SVIL: variants seen among roughly 807,000 people sequenced by gnomAD.
SVIL encodes the protein supervillin.
SVIL carries 101 observed loss-of-function variants against 240.4 expected under a neutral mutation model. That is an observed-to-expected ratio of 0.42 (90% CI 0.36 to 0.50). SVIL has a LOEUF of 0.50. Among genes scored for constraint, SVIL ranks in the 20% least tolerant of loss-of-function variants. SVIL has a pLI of 0.01. For synonymous variants in SVIL, 999 were observed against 1,100.0 expected (o/e 0.91, Z 1.82); for missense variants, 2,512 against 2,818.7 (o/e 0.89, Z 2.46).
intron 27 of SVIL, chr10:29,483,274 G>T (rs1490539630): frequency 6.6e-6 from 1 of 152,202 alleles, no homozygotes; most frequent in African/African-American, 2.4e-5. Context: ...TGCAGGGTGA[G>T]GGGGACAAAC....
intron 6 of SVIL, among the ~76,000 whole-genome samples, chr10:29,538,598 G>A (rs990909748): frequency 2.0e-5 from 3 of 152,210 alleles, no homozygotes; most frequent in Admixed American, 1.3e-4. Context: ...GTGAGCCGCC[G>A]CTCCCAGATC....
chr10:29,651,990 C>T lies in SVIL; in HGVS notation c.-201+5979G>A, dbSNP rs572459896. ...CTATCATGAAGTGCTGACAGTTAAC[C>T]GTCCAATATATGTAAGACACACACA... On this transcript the variant is annotated intron_variant, in intron 3 of 35. Transcript: ENST00000375400. Among the ~76,000 whole-genome samples the T allele has an allele frequency of 1.0e-3, 158 of 151,268 alleles. 2 individuals are homozygous for T. Among genetic ancestry groups the T allele is most frequent in the East Asian group, 1.4e-3 (7 of 5,118 alleles).
chr10:29,526,305 C>CTTTTTTTTTTTTTTTT (rs36004446), intron 13 of SVIL, among the ~76,000 whole-genome samples: 3 of 115,028 alleles, frequency 2.6e-5, no homozygotes, highest in Non-Finnish European at 5.2e-5. Context: ...TTTTCTCTTT[C>CTTTTTTTTTTTTTTTT]TTTTTTTTTT....
intron 1 of SVIL, among the ~76,000 whole-genome samples, chr10:29,626,133 G>A (rs1536696): frequency 0.092 from 13,959 of 152,194 alleles, 781 homozygotes; most frequent in Admixed American, 0.14. Context: ...GGTGACTATA[G>A]TTGCTAACAA....
chr10:29,527,194 A>T (rs1950981806), intron 12 of SVIL, 138 bp from the exon 13 acceptor site: 1 of 825,546 alleles, frequency 1.2e-6, no homozygotes, highest in African/African-American at 1.7e-5. Context: ...TTTTGGGGAG[A>T]AAAAATCACG....
chr10:29,650,261 T>TGTCTTAAAAAGTTGTTTTCACATA (rs1368431628), intron 3 of SVIL, among the ~76,000 whole-genome samples: 5 of 152,202 alleles, frequency 3.3e-5, no homozygotes, highest in Non-Finnish European at 7.3e-5. Context: ...AAGGAACATC[T>TGTCTTAAAAAGTTGTTTTCACATA]GTCTTAAAAA....
At chr10:29,508,310 C>T (rs1350497375) in intron 17 of SVIL, 8 of 1,273,338 alleles carry the variant, frequency 6.3e-6, no homozygotes, top group Non-Finnish European at 8.2e-6. Context: ...TGGCCACCAT[C>T]GAGAGGACAC....
At chr10:29,662,928 A>G (rs1959175298) in intron 2 of SVIL, among the ~76,000 whole-genome samples, 1 of 152,134 alleles carries the variant, frequency 6.6e-6, no homozygotes, top group South Asian at 2.1e-4. Context: ...CTGGGCAGCA[A>G]AGCAAGACCC....
chr10:29,624,499 G>A (rs1293080045), intron 1 of SVIL, among the ~76,000 whole-genome samples: 4 of 152,126 alleles, frequency 2.6e-5, no homozygotes, highest in Non-Finnish European at 5.9e-5. Flanking sequence ...GATCGATCAT[G>A]TCAGCCTGGG....
At chr10:29,468,015 T>C (rs1408043894) in intron 32 of SVIL, 140 bp from the exon 33 acceptor site, 1 of 950,014 alleles carries the variant, frequency 1.1e-6, no homozygotes, top group Non-Finnish European at 1.5e-6. Flanking sequence ...ACTCTTTTTA[T>C]GTGTACAGAT....
chr10:29,609,430 G>A (rs1026891845), intron 1 of SVIL, among the ~76,000 whole-genome samples: 2 of 152,146 alleles, frequency 1.3e-5, no homozygotes, highest in East Asian at 1.9e-4. Flanking sequence ...CATGAGCCAC[G>A]GGCCAGAGCA....
In SVIL at chr10:29,533,046, C is replaced by A. The variant is rs760193204; in HGVS notation, c.1321G>T (p.Glu441Ter). 6 of 1,614,084 alleles carry A rather than the reference C, an allele frequency of 3.7e-6. No individual in the cohort carries two copies. Among genetic ancestry groups the A allele is most frequent in the Middle Eastern group, 1.7e-4 (1 of 6,058 alleles). Residue 441 changes from glutamate (E) to a stop codon, truncating the protein, a stop_gained, in exon 8 of 38, where the codon GAA (glutamate) becomes TAA (stop). Transcript: ENST00000355867. LOFTEE classifies it high-confidence loss of function. ...AGAGCTTCAGTGAAGCACACATCTTCTTCTTTTTCTTCTCCTTCTCCTTCC... is the reference window on the plus strand; with the variant it reads ...AGAGCTTCAGTGAAGCACACATCTTATTCTTTTTCTTCTCCTTCTCCTTCC... The part of the protein sequence containing the change: ...EGEGEGEEKE[E>*]DVCFTEALEQ...
At position 29,463,498 on chromosome 10, in the gene SVIL, A is replaced by G. The variant is rs1294601816; in HGVS notation, c.6271T>C (p.Cys2091Arg). ...KSAMETVLQY[C>R]KGKNLKKPAP... ...ATGTTAGAGGGAGCCTCACCTTTGCAGTACTGGAGCACAGTCTCCATCGCA... is the reference window on the plus strand; with the variant it reads ...ATGTTAGAGGGAGCCTCACCTTTGCGGTACTGGAGCACAGTCTCCATCGCA... The change falls in exon 35 of 38, where the codon TGC (cysteine) becomes CGC (arginine). Residue 2091 changes from cysteine to arginine, a missense_variant. By Grantham distance (180) the Cys-to-Arg change is radical. Around this residue, in one of 3 missense-constraint regions of SVIL, gnomAD observed 797 missense variants for 925.3 expected, o/e 0.86. Transcript: ENST00000355867. 1 of 1,613,810 alleles carries G rather than the reference A, an allele frequency of 6.2e-7. No homozygotes were observed. Among genetic ancestry groups the G allele is most frequent in the Non-Finnish European group, 8.5e-7 (1 of 1,179,882 alleles).
chr10:29,502,692 G>T (rs565050021), intron 17 of SVIL, among the ~76,000 whole-genome samples: 114 of 151,918 alleles, frequency 7.5e-4, no homozygotes, highest in African/African-American at 2.7e-3. Flanking sequence ...TGTGTGGGTG[G>T]GTGGGTGTGT....
In SVIL at chr10:29,551,020, C is replaced by T. The variant is rs748909248; in HGVS notation, c.404G>A (p.Arg135His). The T allele has an allele frequency of 8.7e-6, 14 of 1,614,120 alleles. No homozygotes were observed. The highest frequency in any genetic ancestry group is 1.2e-5 in the Non-Finnish European group (14 of 1,180,018). Residue 135 changes from arginine (R) to histidine (H), a missense_variant, in exon 6 of 38, where the codon CGC becomes CAC. Around this residue, in one of 3 missense-constraint regions of SVIL, gnomAD observed 1,443 missense variants for 1,486.6 expected, o/e 0.97. Transcript: ENST00000355867. ...AGGCTCCTTCCTGGACTTGGTATAG[C>T]GGGATAAATACTCGGAGTCGGCCTC... ...DPEADSEYLSRYTKSRKEPDA... is the reference protein window; with the variant it reads ...DPEADSEYLSHYTKSRKEPDA...
Position 29,532,604 on chromosome 10 carries a change from A to T in SVIL, c.1763T>A (p.Leu588Gln). The change falls in exon 8 of 38, where the codon CTG (leucine) becomes CAG (glutamine). Residue 588 changes from leucine to glutamine, a missense_variant. By Grantham distance (113) the Leu-to-Gln change is moderately radical. Coordinates refer to ENST00000355867, the MANE Select transcript of SVIL (RefSeq NM_021738.3). ...CTGGGCGACAGAGACTTTTGTGTCCAGCATGCTGATCTCCCCATAAGGCCC... is the reference window on the plus strand; with the variant it reads ...CTGGGCGACAGAGACTTTTGTGTCCTGCATGCTGATCTCCCCATAAGGCCC... ...TEGPYGEISM[L>Q]DTKVSVAQLR... The T allele has an allele frequency of 6.2e-7, 1 of 1,614,102 alleles. No homozygotes were observed. The highest frequency in any genetic ancestry group is 8.5e-7 in the Non-Finnish European group (1 of 1,179,934).
chr10:29,663,351 T>G (rs541806224), intron 2 of SVIL, among the ~76,000 whole-genome samples: 24 of 152,336 alleles, frequency 1.6e-4, no homozygotes, highest in Admixed American at 1.4e-3. Context: ...AACTTTTCTG[T>G]ACTTTACCTC....
chr10:29,475,037 C>T (rs760776887), intron 29 of SVIL, among the ~76,000 whole-genome samples: 3 of 152,138 alleles, frequency 2.0e-5, no homozygotes, highest in Admixed American at 6.5e-5. Flanking sequence ...AGAGCAGTCA[C>T]AGGGAGGTTA....
chr10:29,610,486 G>A (rs1179962481), intron 1 of SVIL, among the ~76,000 whole-genome samples: 1 of 140,218 alleles, frequency 7.1e-6, no homozygotes, highest in East Asian at 2.1e-4. Context: ...GTCTCGCTCT[G>A]TCACCCAGGC....
Sources: allele counts gnomAD v4.1 joint callset (sites outside exome capture counted in the v4.1 genomes callset), GRCh38; gene constraint gnomAD v4.1.1; regional missense constraint gnomAD v4.1.1; transcripts MANE v1.5; gene names NCBI Gene and HGNC (gene_info 2026-07-23, HGNC 2026-07-21).